The following PCDHGB7 variants were observed in gnomAD, a reference collection of about 807,000 sequenced individuals.
The protein encoded by PCDHGB7 is protocadherin gamma-B7.
Under a neutral mutation model 61.4 loss-of-function variants are expected in PCDHGB7, and 37 were observed. That is an observed-to-expected ratio of 0.60 (90% CI 0.46 to 0.79). The LOEUF is 0.79. PCDHGB7 is among the 30% of genes least tolerant of loss of function. The pLI is 0.00. For missense variants in PCDHGB7, 1,166 were observed against 1,202.5 expected, an observed-to-expected ratio of 0.97 and a Z score of 0.45; for synonymous variants, 464 against 503.5, an observed-to-expected ratio of 0.92 and a Z score of 1.05.
rs1417754081 is a variant in PCDHGB7, at chr5:141,512,046, T to C, written c.*873T>C. 1 of 152,746 alleles carries C rather than the reference T, an allele frequency of 6.5e-6. No individual in the cohort carries two copies. Among genetic ancestry groups the C allele is most frequent in the East Asian group, 1.9e-4 (1 of 5,190 alleles). 9.5% of individuals were successfully genotyped at this position (152,746 alleles called of 1,614,324 possible). Reference sequence around the variant, plus strand: ...GCCTTGGAGGAGGCTCTGTATGTCCTCAGGGGACTGACAACATCCTCCAGA... The same window carrying C: ...GCCTTGGAGGAGGCTCTGTATGTCCCCAGGGGACTGACAACATCCTCCAGA... On this transcript the variant is annotated 3_prime_UTR_variant, in exon 4 of 4. Transcript: ENST00000398594.
At chr5:141,453,014 G>A (rs2098753820) in intron 1 of PCDHGB7, among the ~76,000 whole-genome samples, 1 of 152,206 alleles carries the variant, frequency 6.6e-6, no homozygotes, top group Non-Finnish European at 1.5e-5. Flanking sequence ...GTATAGTTAT[G>A]TGATTCATTA....
At position 141,491,711 on chromosome 5, in the gene PCDHGB7, C is replaced by T. The variant is rs528931820; in HGVS notation, c.2416-3096C>T. 1.5e-5 allele frequency: 24 copies of T among 1,609,240 alleles called. No homozygotes were observed. In the African/African-American group the frequency reaches 1.7e-4, roughly 12 times the overall value. On this transcript the variant is annotated intron_variant, in intron 1 of 3. Transcript: ENST00000398594. This position sits in a 1 kb window ranked among gnomAD's most constrained non-coding sequence, Gnocchi z 6.9. ...CGGGAGCGGAGCCAGGTGAGGGGCT[C>T]GGCGCCGCCCCGGGCGACCCCTGGG... is the stretch of plus-strand genomic sequence containing the variant.
At position 141,487,621 on chromosome 5, in the gene PCDHGB7, A is replaced by G; in HGVS notation, c.2416-7186A>G. The G allele has an allele frequency of 6.2e-7, 1 of 1,614,164 alleles. No individual in the cohort carries two copies. On this transcript the variant is annotated intron_variant, in intron 1 of 3. Transcript: ENST00000398594. This position sits in a 1 kb window ranked among gnomAD's most constrained non-coding sequence, Gnocchi z 5.0. ...ATCTTCTCTATGGGCTAGAGGTGAG[A>G]CCTTTGCAGGCTCAACAAATGCTTG... is the stretch of plus-strand genomic sequence containing the variant.
chr5:141,466,552 G>C lies in PCDHGB7; in HGVS notation c.2416-28255G>C, dbSNP rs913019489. On this transcript the variant is annotated intron_variant, in intron 1 of 3. Coordinates refer to ENST00000398594, the MANE Select transcript of PCDHGB7 (RefSeq NM_018927.4). ...ATTGATGTAGATGGTCTTTTGCTGTGGGCTTCATCTTCAACATTGTCTCAT... is the reference window on the plus strand; with the variant it reads ...ATTGATGTAGATGGTCTTTTGCTGTCGGCTTCATCTTCAACATTGTCTCAT... 2.6e-5 allele frequency among the ~76,000 whole-genome samples: 4 copies of C among 152,144 alleles called. No homozygotes were observed. The South Asian group carries it at 8.3e-4, about 32-fold the overall frequency.
intron 3 of PCDHGB7, 73 bp from the exon 4 acceptor site, chr5:141,510,874 G>A (rs1419164967): frequency 3.7e-6 from 6 of 1,610,008 alleles, no homozygotes; most frequent in Admixed American, 1.7e-5. Context: ...TTCATTAACT[G>A]CTGGGGATAT....
chr5:141,462,408 A>G (rs1240372917), intron 1 of PCDHGB7, among the ~76,000 whole-genome samples: 2 of 152,188 alleles, frequency 1.3e-5, no homozygotes, highest in Non-Finnish European at 2.9e-5. Context: ...ATGGCACAGA[A>G]TATGGTCTAT....
chr5:141,455,130 A>T (rs1446894125), intron 1 of PCDHGB7, among the ~76,000 whole-genome samples: 2 of 150,970 alleles, frequency 1.3e-5, no homozygotes, highest in African/African-American at 4.8e-5. Flanking sequence ...GTTTTAAATT[A>T]CACTGTGTTA....
Position 141,419,863 on chromosome 5 carries a change from G to C in PCDHGB7, c.2004G>C (p.Leu668Phe). ...ATLHLVFADSLQEVLPDFSDH... is the reference protein window; with the variant it reads ...ATLHLVFADSFQEVLPDFSDH... ...TGCACCTGGTGTTCGCAGATAGCTT[G>C]CAAGAGGTACTGCCGGATTTCAGCG... is the stretch of plus-strand genomic sequence containing the variant. Residue 668 changes from leucine (L) to phenylalanine (F), a missense_variant, in exon 1 of 4, where the codon TTG becomes TTC. Physicochemically the swap from Leu to Phe is conservative, Grantham distance 22. Transcript: ENST00000398594. The C allele has an allele frequency of 6.2e-7, 1 of 1,614,108 alleles. No homozygotes were observed. The highest frequency in any genetic ancestry group is 8.5e-7 in the Non-Finnish European group (1 of 1,179,896).
intron 1 of PCDHGB7, 83 bp downstream of exon 1, chr5:141,420,357 C>A: frequency 7.3e-7 from 1 of 1,376,278 alleles, no homozygotes; most frequent in East Asian, 2.6e-5. Flanking sequence ...TTTTAAGATT[C>A]TAGATAACTT....
intron 1 of PCDHGB7, among the ~76,000 whole-genome samples, chr5:141,466,443 C>T (rs906096545): frequency 6.6e-6 from 1 of 152,186 alleles, no homozygotes; most frequent in African/African-American, 2.4e-5. Context: ...ACCGAGATGT[C>T]TATGGTGTTG....
At chr5:141,461,821 T>A (rs569091880) in intron 1 of PCDHGB7, among the ~76,000 whole-genome samples, 1 of 151,286 alleles carries the variant, frequency 6.6e-6, no homozygotes, top group South Asian at 2.1e-4. Context: ...ACCCAGCTAA[T>A]TTTTTTTTCT....
At position 141,486,481 on chromosome 5, in the gene PCDHGB7, T is replaced by C. The variant is rs1562112794; in HGVS notation, c.2416-8326T>C. 1 of 1,614,036 alleles carries C rather than the reference T, an allele frequency of 6.2e-7. No individual in the cohort carries two copies. The highest frequency in any genetic ancestry group is 8.5e-7 in the Non-Finnish European group (1 of 1,179,976). Reference sequence around the variant, plus strand: ...CTGATGCTGGGAACCCTCCTCTCAGTACCCACAGAACTATTTTCCTCAATA... The same window carrying C: ...CTGATGCTGGGAACCCTCCTCTCAGCACCCACAGAACTATTTTCCTCAATA... On this transcript the variant is annotated intron_variant, in intron 1 of 3. Coordinates refer to ENST00000398594, the MANE Select transcript of PCDHGB7 (RefSeq NM_018927.4). This position sits in a 1 kb window ranked among gnomAD's most constrained non-coding sequence, Gnocchi z 5.0.
chr5:141,459,981 G>C (rs1023972964), intron 1 of PCDHGB7, among the ~76,000 whole-genome samples: 7 of 152,330 alleles, frequency 4.6e-5, no homozygotes, highest in Admixed American at 1.3e-4. Context: ...AGGAGGCTGA[G>C]ACAGGAGAAT....
At chr5:141,469,081 A>C (rs1451214440) in intron 1 of PCDHGB7, among the ~76,000 whole-genome samples, 1 of 151,790 alleles carries the variant, frequency 6.6e-6, no homozygotes, top group Non-Finnish European at 1.5e-5. Context: ...GTTTGAGACC[A>C]TTCTAGGCAA....
intron 1 of PCDHGB7, among the ~76,000 whole-genome samples, chr5:141,445,751 G>T (rs1211416281): frequency 2.0e-5 from 3 of 152,102 alleles, no homozygotes; most frequent in Non-Finnish European, 4.4e-5. Context: ...AAAAATAAAA[G>T]GTGTGACTCA....
At position 141,477,830 on chromosome 5, in the gene PCDHGB7, C is replaced by T; in HGVS notation, c.2416-16977C>T. ...TGCCCCCCAGGTCCTATATCCTCGG[C>T]CAGGTGGGAGCTCGGTGGAGATGCT... is the stretch of plus-strand genomic sequence containing the variant. On this transcript the variant is annotated intron_variant, in intron 1 of 3. Transcript: ENST00000398594. The surrounding 1 kb of genome is among the most constrained non-coding windows in gnomAD (Gnocchi z 4.9). 1 of 1,614,170 alleles carries T rather than the reference C, an allele frequency of 6.2e-7. No individual in the cohort carries two copies. Among genetic ancestry groups the T allele is most frequent in the Non-Finnish European group, 8.5e-7 (1 of 1,180,038 alleles).
intron 2 of PCDHGB7, among the ~76,000 whole-genome samples, chr5:141,502,056 C>T (rs1163976282): frequency 1.3e-5 from 2 of 152,116 alleles, no homozygotes; most frequent in Non-Finnish European, 2.9e-5. Flanking sequence ...CTACTTTATT[C>T]CCATTAGCCC....
At chr5:141,478,804 G>C (rs765938054) in intron 1 of PCDHGB7, 48 of 1,462,396 alleles carry the variant, frequency 3.3e-5, no homozygotes, top group Non-Finnish European at 4.1e-5. Context: ...GCACTCTTTT[G>C]CTATCACAAC....
chr5:141,418,369 C>G lies in PCDHGB7; in HGVS notation c.510C>G (p.Tyr170Ter), dbSNP rs763319499. Residue 170 changes from tyrosine to a stop codon, truncating the protein, a stop_gained, in exon 1 of 4, where the codon TAC becomes TAG. Coordinates refer to ENST00000398594, the MANE Select transcript of PCDHGB7 (RefSeq NM_018927.4). LOFTEE classifies it high-confidence loss of function. Reference sequence around the variant, plus strand: ...TTAGTATGAATTCGCTGAGCAAATACCAACTAAGTCCTAACGAGTATTTCT... The same window carrying G: ...TTAGTATGAATTCGCTGAGCAAATAGCAACTAAGTCCTAACGAGTATTTCT... Reference protein sequence around the residue: ...PDISMNSLSKYQLSPNEYFSL... With the variant: ...PDISMNSLSK The G allele has an allele frequency of 3.8e-5, 62 of 1,613,842 alleles. No homozygotes were observed. The highest frequency in any genetic ancestry group is 4.8e-5 in the Non-Finnish European group (57 of 1,179,898).
Sources: allele counts gnomAD v4.1 joint callset (sites outside exome capture counted in the v4.1 genomes callset), GRCh38; gene constraint gnomAD v4.1.1; non-coding constraint Gnocchi (gnomAD v3.1); transcripts MANE v1.5; gene names NCBI Gene and HGNC (gene_info 2026-07-23, HGNC 2026-07-21).